The following RCAN2 variants were observed in gnomAD, a reference collection of about 807,000 sequenced individuals.
RCAN2 encodes calcipressin-2.
In RCAN2, 9 loss-of-function variants were observed where a neutral mutation model predicts 23.6. The ratio of observed to expected loss-of-function variants is 0.38; its 90% confidence interval spans 0.23 to 0.67. RCAN2 has a LOEUF of 0.67. Ranked by LOEUF, RCAN2 falls within the 30% of genes least tolerant of loss-of-function variation. The pLI, the probability that RCAN2 is intolerant of heterozygous loss-of-function variation, is 0.51. For synonymous variants in RCAN2, 109 were observed against 115.7 expected (o/e 0.94, Z 0.37); for missense variants, 273 against 302.3 (o/e 0.90, Z 0.72).
intron 2 of RCAN2, among the ~76,000 whole-genome samples, chr6:46,386,247 C>T (rs1352818105): frequency 3.3e-5 from 5 of 151,924 alleles, no homozygotes; most frequent in East Asian, 1.9e-4. Flanking sequence ...GACAGTTATG[C>T]GGCCAACAAA....
At chr6:46,223,740 C>A (rs998216909) in intron 4 of RCAN2, among the ~76,000 whole-genome samples, 1 of 152,224 alleles carries the variant, frequency 6.6e-6, no homozygotes, top group Non-Finnish European at 1.5e-5. Context: ...TCCAGCTCTA[C>A]ACTTCTTACA....
chr6:46,277,961 G>A (rs1343094587), intron 2 of RCAN2, among the ~76,000 whole-genome samples: 3 of 152,040 alleles, frequency 2.0e-5, no homozygotes, highest in Non-Finnish European at 4.4e-5. Context: ...GTTTAAAGAC[G>A]GAGGCGCTTT....
At chr6:46,231,679 GGATTACAGGTGT>G (rs1765894903) in intron 4 of RCAN2, among the ~76,000 whole-genome samples, 1 of 152,114 alleles carries the variant, frequency 6.6e-6, no homozygotes, top group African/African-American at 2.4e-5. Flanking sequence ...CAAAGTGCTG[GGATTACAGGTGT>G]GAGCCACCAC....
At chr6:46,446,578 C>T (rs747053817) in intron 2 of RCAN2, among the ~76,000 whole-genome samples, 30 of 152,044 alleles carry the variant, frequency 2.0e-4, no homozygotes, top group Non-Finnish European at 1.5e-4. Context: ...TATAATGGTT[C>T]TACGTAAGTC....
chr6:46,482,786 T>G (rs1287374857), intron 1 of RCAN2, among the ~76,000 whole-genome samples: 1 of 152,194 alleles, frequency 6.6e-6, no homozygotes, highest in Non-Finnish European at 1.5e-5. Flanking sequence ...AGGAAGAGGC[T>G]AAATGAAGGG....
intron 2 of RCAN2, among the ~76,000 whole-genome samples, chr6:46,447,568 T>A (rs898291456): frequency 2.0e-5 from 3 of 151,996 alleles, no homozygotes; most frequent in African/African-American, 7.2e-5. Context: ...AGTGTACACA[T>A]AATATTCTCT....
At chr6:46,491,925 G>C (rs1162088855), upstream of RCAN2, 1 of 152,386 alleles carries the variant, frequency 6.6e-6, no homozygotes, top group Admixed American at 6.5e-5. Context: ...GGAGCCCCTG[G>C]ATGGTCCTCC....
intron 2 of RCAN2, among the ~76,000 whole-genome samples, chr6:46,371,555 G>A (rs150494683): frequency 6.6e-6 from 1 of 152,358 alleles, no homozygotes; most frequent in African/African-American, 2.4e-5. Flanking sequence ...CATGCTAAGT[G>A]AGGGTGTCAG....
At chr6:46,273,328 C>T (rs1356512089) in intron 2 of RCAN2, among the ~76,000 whole-genome samples, 2 of 152,186 alleles carry the variant, frequency 1.3e-5, no homozygotes, top group Non-Finnish European at 1.5e-5. Context: ...TCCATGAAAA[C>T]ATGTTTTGTA....
At chr6:46,437,453 G>A (rs1423007737) in intron 2 of RCAN2, among the ~76,000 whole-genome samples, 2 of 152,096 alleles carry the variant, frequency 1.3e-5, no homozygotes, top group South Asian at 4.1e-4. Flanking sequence ...TTAAAAATTG[G>A]GTAAAGTCAC....
At chr6:46,389,774 C>T (rs573689722) in intron 2 of RCAN2, among the ~76,000 whole-genome samples, 1 of 152,270 alleles carries the variant, frequency 6.6e-6, no homozygotes, top group South Asian at 2.1e-4. Flanking sequence ...GATCCTCCAC[C>T]GTCTTTACGG....
At chr6:46,417,322 T>C (rs1766740085) in intron 2 of RCAN2, among the ~76,000 whole-genome samples, 1 of 152,332 alleles carries the variant, frequency 6.6e-6, no homozygotes, top group South Asian at 2.1e-4. Context: ...ATCTCACTGT[T>C]GTTTGGATGT....
rs181956890 is a variant in RCAN2, at chr6:46,313,548, A to G, written c.226-64652T>C. 2.6e-4 allele frequency among the ~76,000 whole-genome samples: 40 copies of G among 152,380 alleles called. 1 individual carries two copies. The highest frequency in any genetic ancestry group is 9.1e-4 in the African/African-American group (38 of 41,592). Reference sequence around the variant, plus strand: ...ATATAAGGAAAATCTTAAATAAGAAATATCCTGAACTCAGGTCTTTCTGCC... The same window carrying G: ...ATATAAGGAAAATCTTAAATAAGAAGTATCCTGAACTCAGGTCTTTCTGCC... On this transcript the variant is annotated intron_variant, in intron 2 of 4. Coordinates refer to ENST00000371374, the MANE Select transcript of RCAN2 (RefSeq NM_001251974.2).
intron 4 of RCAN2, among the ~76,000 whole-genome samples, chr6:46,234,721 C>T (rs966102583): frequency 8.5e-5 from 13 of 152,232 alleles, no homozygotes; most frequent in Admixed American, 3.9e-4. Context: ...AAATGAAAAA[C>T]CTTTTAGCAC....
chr6:46,249,125 A>G (rs1766621011), intron 2 of RCAN2, among the ~76,000 whole-genome samples: 3 of 151,884 alleles, frequency 2.0e-5, no homozygotes, highest in Admixed American at 1.3e-4. Flanking sequence ...AGTGAATAGC[A>G]TTCAAAGTAT....
At chr6:46,301,345 G>A (rs1375608055) in intron 2 of RCAN2, among the ~76,000 whole-genome samples, 2 of 152,022 alleles carry the variant, frequency 1.3e-5, no homozygotes, top group Non-Finnish European at 2.9e-5. Context: ...AGATACACAG[G>A]TATGGCCCTC....
At chr6:46,488,273 C>A (rs1769048902) in intron 1 of RCAN2, among the ~76,000 whole-genome samples, 1 of 152,218 alleles carries the variant, frequency 6.6e-6, no homozygotes, top group Non-Finnish European at 1.5e-5. Flanking sequence ...CCTCTCTTTG[C>A]CTTGGTTTTC....
intron 2 of RCAN2, among the ~76,000 whole-genome samples, chr6:46,400,972 C>A (rs981672871): frequency 6.6e-6 from 1 of 152,192 alleles, no homozygotes; most frequent in Non-Finnish European, 1.5e-5. Context: ...CTATTAGAAT[C>A]TCTGGGAAAG....
intron 2 of RCAN2, among the ~76,000 whole-genome samples, chr6:46,355,863 A>G (rs973932187): frequency 6.6e-6 from 1 of 152,210 alleles, no homozygotes; most frequent in Non-Finnish European, 1.5e-5. Flanking sequence ...GAAGTGAGGA[A>G]ATAATGGGGA....
Sources: allele counts gnomAD v4.1 joint callset (sites outside exome capture counted in the v4.1 genomes callset), GRCh38; gene constraint gnomAD v4.1.1; transcripts MANE v1.5; gene names NCBI Gene and HGNC (gene_info 2026-07-23, HGNC 2026-07-21).